Variants in LGI1 observed in about 807,000 individuals in gnomAD.
The protein encoded by LGI1 is leucine rich glioma inactivated 1.
Under a neutral mutation model 57.7 loss-of-function variants are expected in LGI1, and 11 were observed. That is an observed-to-expected ratio of 0.19 (90% CI 0.12 to 0.32). The LOEUF (loss-of-function observed/expected upper bound fraction) is 0.32. Ranked by LOEUF, LGI1 falls within the 10% of genes least tolerant of loss-of-function variation. The pLI is 1.00. For synonymous variants in LGI1, 222 were observed against 241.9 expected (o/e 0.92, Z 0.76); for missense variants, 422 against 661.9 (o/e 0.64, Z 3.98).
intron 2 of LGI1, chr10:93,776,946 A>C: frequency 4.3e-6 from 1 of 231,996 alleles, no homozygotes; most frequent in Non-Finnish European, 8.5e-6. Context: ...CCAGGCATGC[A>C]GCTTACTTTT....
At position 93,781,346 on chromosome 10, in the gene LGI1, A is replaced by C. The variant is rs1416697143; in HGVS notation, c.431+3729A>C. Among the ~76,000 whole-genome samples, 4 of 151,520 alleles carry C rather than the reference A, an allele frequency of 2.6e-5. No individual in the cohort carries two copies. The South Asian group carries it at 8.3e-4, about 31-fold the overall frequency. ...TGCACTCCAGCCTAGGTGAAAGAGC[A>C]AGACTCCGTCTCTAAGAAGTAAATA... On this transcript the variant is annotated intron_variant, in intron 4 of 7. Transcript: ENST00000371418.
At chr10:93,771,975 C>CAAAAAAAAAAA (rs34346449) in intron 2 of LGI1, 1 of 123,410 alleles carries the variant, frequency 8.1e-6, no homozygotes, top group Non-Finnish European at 1.7e-5. Context: ...AACTTTGTTT[C>CAAAAAAAAAAA]AAAAAAAAAA....
In LGI1 at chr10:93,758,703, T is replaced by C. The variant is rs1328066843; in HGVS notation, c.216-57T>C. On this transcript the variant is annotated intron_variant, in intron 1 of 7. Coordinates refer to ENST00000371418, the MANE Select transcript of LGI1 (RefSeq NM_005097.4). The surrounding 1 kb of genome is among the most constrained non-coding windows in gnomAD (Gnocchi z 4.7). ...ATTAACATAAGGTTTGTTCTGTGTGTGTGTGTCTCTTTGTGTGTGTCTGTT... is the reference window on the plus strand; with the variant it reads ...ATTAACATAAGGTTTGTTCTGTGTGCGTGTGTCTCTTTGTGTGTGTCTGTT... The C allele has an allele frequency of 8.4e-7, 1 of 1,193,362 alleles. No individual in the cohort carries two copies. Among genetic ancestry groups the C allele is most frequent in the Non-Finnish European group, 1.2e-6 (1 of 802,528 alleles). The allele number at this position is 1,193,362 out of a possible 1,614,324, so 73.9% of individuals were successfully genotyped here.
intron 7 of LGI1, chr10:93,794,019 C>CTTTTTTTTTTTTTTTTTTTTTTTTTTTTT (rs5787082): frequency 1.1e-5 from 1 of 87,836 alleles, no homozygotes; most frequent in African/African-American, 4.0e-5. Context: ...CTTTTTTTTT[C>CTTTTTTTTTTTTTTTTTTTTTTTTTTTTT]TTTTTTTTTT....
At chr10:93,762,868 C>A (rs1365633584) in intron 2 of LGI1, 2 of 152,198 alleles carry the variant, frequency 1.3e-5, no homozygotes, top group East Asian at 3.8e-4. Context: ...CTAGCACTCA[C>A]CACAATTGTT....
chr10:93,770,422 C>G (rs2059723655), intron 2 of LGI1: 1 of 152,358 alleles, frequency 6.6e-6, no homozygotes, highest in Non-Finnish European at 1.5e-5. Context: ...ATTCCCGTCT[C>G]TGGCCTCTCA....
chr10:93,789,891 A>G, intron 4 of LGI1: 1 of 552,396 alleles, frequency 1.8e-6, no homozygotes, highest in East Asian at 2.9e-5. Flanking sequence ...AAAGTAAATA[A>G]ATATGGAGTG....
chr10:93,774,547 T>C (rs1012577059), intron 2 of LGI1, among the ~76,000 whole-genome samples: 1 of 152,200 alleles, frequency 6.6e-6, no homozygotes, highest in Non-Finnish European at 1.5e-5. Flanking sequence ...GCTGGCTCCA[T>C]TTCTCAGTCT....
Position 93,758,598 on chromosome 10 carries a change from T to C in LGI1, c.216-162T>C, listed in dbSNP as rs1193203765. 1 of 694,084 alleles carries C rather than the reference T, an allele frequency of 1.4e-6. No homozygotes were observed. Among genetic ancestry groups the C allele is most frequent in the Non-Finnish European group, 2.5e-6 (1 of 400,122 alleles). 43.0% of individuals were successfully genotyped at this position (694,084 alleles called of 1,614,324 possible). On this transcript the variant is annotated intron_variant, in intron 1 of 7. Transcript: ENST00000371418. The surrounding 1 kb of genome is among the most constrained non-coding windows in gnomAD (Gnocchi z 4.7). ...TCATGAGAAACCTGTAGCCGATTCA[T>C]TTCTCTTACTTCATCTGGGAAGGAA...
intron 7 of LGI1, chr10:93,794,019 C>CTTTTTTTT (rs5787082): frequency 4.6e-5 from 4 of 87,822 alleles, no homozygotes; most frequent in Admixed American, 1.4e-4. Context: ...CTTTTTTTTT[C>CTTTTTTTT]TTTTTTTTTT....
At chr10:93,774,403 G>C (rs1457084335) in intron 2 of LGI1, among the ~76,000 whole-genome samples, 1 of 152,126 alleles carries the variant, frequency 6.6e-6, no homozygotes, top group Non-Finnish European at 1.5e-5. Flanking sequence ...TCCCACACCA[G>C]TCTTCAAAAA....
intron 2 of LGI1, chr10:93,768,060 G>A (rs987689700): frequency 8.5e-5 from 13 of 152,280 alleles, no homozygotes; most frequent in Admixed American, 2.6e-4. Flanking sequence ...ATTTACTTAA[G>A]GATAGAAAAG....
In LGI1 at chr10:93,790,168, T is replaced by C. The variant is rs749763607; in HGVS notation, c.501T>C (p.Asn167=). The C allele has an allele frequency of 4.4e-6, 7 of 1,606,434 alleles. No individual in the cohort carries two copies. The East Asian group carries it at 1.3e-4, about 31-fold the overall frequency. The change falls in exon 5 of 8, where the codon AAT becomes AAC. Residue 167 remains asparagine (N), a splice_region_variant and synonymous_variant. Transcript: ENST00000371418. ...DIFKGLDSLT[N]VDLRGNSFNC... ...TCAAAGGCCTGGATTCTTTAACAAA[T>C]GTGTAAGAGGACCTAAGAAATCACT...
chr10:93,793,082 A>AT, intron 6 of LGI1, 104 bp from the exon 7 acceptor site: 1 of 1,214,402 alleles, frequency 8.2e-7, no homozygotes, highest in Non-Finnish European at 1.2e-6. Context: ...TAAAATGGCC[A>AT]TTTTACTATT....
rs891465234 is a variant in LGI1 at position 93,766,597 on chromosome 10, C to T, written c.287+7766C>T. Among the ~76,000 whole-genome samples the T allele has an allele frequency of 2.1e-3, 301 of 140,962 alleles. 2 individuals are homozygous for T. Among genetic ancestry groups the T allele is most frequent in the African/African-American group, 7.5e-3 (286 of 38,218 alleles). The allele number at this position is 140,962 out of a possible 152,430, so 92.5% of individuals were successfully genotyped here. A position where few individuals can be genotyped will look rare whatever the true frequency, so the allele number is the denominator to read the frequency against. The stretch of plus-strand genomic sequence containing the variant: ...TCGGCTCACTGCAAGCTCCGCCTCC[C>T]GGGTTCACGCCATTCTCCTGCCTCA... On this transcript the variant is annotated intron_variant, in intron 2 of 7. Coordinates refer to ENST00000371418, the MANE Select transcript of LGI1 (RefSeq NM_005097.4).
chr10:93,781,232 G>A (rs1041684672), intron 4 of LGI1, among the ~76,000 whole-genome samples: 3 of 151,956 alleles, frequency 2.0e-5, no homozygotes, highest in East Asian at 1.9e-4. Flanking sequence ...GGTGGTGGGC[G>A]CCTGTAGTCC....
At chr10:93,766,950 AC>A (rs1487191385) in intron 2 of LGI1, 1 of 152,176 alleles carries the variant, frequency 6.6e-6, no homozygotes. Context: ...TGGAGTTTAA[AC>A]CCATGTCCTC....
chr10:93,792,623 T>TA, intron 5 of LGI1, 120 bp from the exon 6 acceptor site: 2 of 1,007,310 alleles, frequency 2.0e-6, no homozygotes, highest in Middle Eastern at 2.3e-4. Flanking sequence ...CCAGGCAGGT[T>TA]ATAGGGCAGG....
chr10:93,771,381 G>A (rs766354526), intron 2 of LGI1: 5 of 152,164 alleles, frequency 3.3e-5, no homozygotes, highest in Non-Finnish European at 4.4e-5. Flanking sequence ...GCAGCAACAT[G>A]GATGGGTTGG....
Sources: allele counts gnomAD v4.1 joint callset (sites outside exome capture counted in the v4.1 genomes callset), GRCh38; gene constraint gnomAD v4.1.1; non-coding constraint Gnocchi (gnomAD v3.1); transcripts MANE v1.5; gene names NCBI Gene and HGNC (gene_info 2026-07-23, HGNC 2026-07-21).